Variants in UNK observed in about 807,000 individuals in gnomAD.
UNK encodes the protein unk zinc finger.
UNK carries 32 observed loss-of-function variants against 97.6 expected under a neutral mutation model. The observed-to-expected ratio is 0.33, with a 90% confidence interval of 0.25 to 0.44. The LOEUF (loss-of-function observed/expected upper bound fraction) is 0.44. Among genes scored for constraint, UNK ranks in the 20% least tolerant of loss-of-function variants. The probability of loss-of-function intolerance (pLI) is 1.00; values close to 1 mark genes in which losing one functional copy is unlikely to be tolerated. For missense variants in UNK, 771 were observed against 1,098.4 expected, an observed-to-expected ratio of 0.70 and a Z score of 4.21; for synonymous variants, 441 against 461.2, an observed-to-expected ratio of 0.96 and a Z score of 0.56.
At chr17:75,823,134 G>T (rs1009670445) in intron 14 of UNK, 131 bp from the exon 15 acceptor site, 17 of 1,407,386 alleles carry the variant, frequency 1.2e-5, no homozygotes, top group Non-Finnish European at 1.4e-5. Context: ...CCTCCTCCTT[G>T]CCCTCCTCCC....
At chr17:75,813,990 TTG>T in intron 6 of UNK, 112 bp downstream of exon 6, 1 of 944,376 alleles carries the variant, frequency 1.1e-6, no homozygotes, top group Non-Finnish European at 1.5e-6. Flanking sequence ...GAAGAGGGAC[TTG>T]TGGCCACCAG....
intron 1 of UNK, 75 bp downstream of exon 1, chr17:75,785,059 G>A (rs1230174474): frequency 1.6e-5 from 18 of 1,097,386 alleles, no homozygotes; most frequent in Non-Finnish European, 2.3e-5. Flanking sequence ...CGCGCGCAGG[G>A]AGAGCGCGAG....
rs1458838906 is a variant in UNK, at chr17:75,825,427, C to T, written c.*1010C>T. On this transcript the variant is annotated 3_prime_UTR_variant, in exon 16 of 16. Transcript: ENST00000589666. The surrounding 1 kb of genome is among the most constrained non-coding windows in gnomAD (Gnocchi z 4.4). Reference sequence around the variant, plus strand: ...CCTGCCCTCCTACCCGGAGGGGCTCCGTTTGCATTCCTTGGTGCTCTCTGA... The same window carrying T: ...CCTGCCCTCCTACCCGGAGGGGCTCTGTTTGCATTCCTTGGTGCTCTCTGA... 4.6e-5 allele frequency: 7 copies of T among 152,774 alleles called. No homozygotes were observed. The allele number at this position is 152,774 out of a possible 1,614,324, so 9.5% of individuals were successfully genotyped here.
chr17:75,823,664 G>A (rs9675230), intron 15 of UNK, 142 bp downstream of exon 15: 304,856 of 1,242,534 alleles, frequency 0.25, 47,068 homozygotes, highest in African/African-American at 0.69. Flanking sequence ...TCAAAAGGCC[G>A]GCCTGCTGGG....
chr17:75,805,948 A>G (rs1174748918), intron 1 of UNK, among the ~76,000 whole-genome samples: 2 of 151,848 alleles, frequency 1.3e-5, no homozygotes. Context: ...TATCCCCTCA[A>G]AAAGAAATCT....
chr17:75,822,100 A>G (rs186551241), intron 13 of UNK, among the ~76,000 whole-genome samples: 1 of 152,330 alleles, frequency 6.6e-6, no homozygotes, highest in East Asian at 1.9e-4. Flanking sequence ...AAAAGGCCCT[A>G]GCCTAAAAGT....
chr17:75,823,835 C>T (rs76061015), intron 15 of UNK, among the ~76,000 whole-genome samples: 1 of 152,208 alleles, frequency 6.6e-6, no homozygotes, highest in Non-Finnish European at 1.5e-5. Context: ...AGCGGGCCTT[C>T]CAGTGAGGCC....
In UNK at chr17:75,818,398, C is replaced by T. The variant is rs1019025928; in HGVS notation, c.1371+230C>T. Among the ~76,000 whole-genome samples the T allele has an allele frequency of 1.3e-5, 2 of 152,186 alleles. No individual in the cohort carries two copies. Among genetic ancestry groups the T allele is most frequent in the African/African-American group, 2.4e-5 (1 of 41,446 alleles). On this transcript the variant is annotated intron_variant, in intron 10 of 15. Transcript: ENST00000589666. This position sits in a 1 kb window ranked among gnomAD's most constrained non-coding sequence, Gnocchi z 5.1. ...TGGAGCCTCTGCACTCTGCCAGGCCCTGTACTCGCTTCTCTCTTCCCTGCT... is the reference window on the plus strand; with the variant it reads ...TGGAGCCTCTGCACTCTGCCAGGCCTTGTACTCGCTTCTCTCTTCCCTGCT...
chr17:75,813,003 T>C (rs2061984165), intron 4 of UNK, 75 bp from the exon 5 acceptor site: 4 of 1,486,392 alleles, frequency 2.7e-6, no homozygotes, highest in East Asian at 2.5e-5. Context: ...TCTCCTTCCC[T>C]CCACTCCAGT....
chr17:75,801,975 G>A (rs971252814), intron 1 of UNK, among the ~76,000 whole-genome samples: 6 of 151,590 alleles, frequency 4.0e-5, no homozygotes, highest in Admixed American at 3.3e-4. Context: ...AGCCACCCAA[G>A]TAGTTGGGAT....
chr17:75,786,663 C>T (rs8077281), intron 1 of UNK, among the ~76,000 whole-genome samples: 13,759 of 152,152 alleles, frequency 0.09, 1,298 homozygotes, highest in East Asian at 0.37. Flanking sequence ...AGAGACCAGC[C>T]TGCCCAATAT....
At position 75,817,026 on chromosome 17, in the gene UNK, C is replaced by T. The variant is rs2062022346; in HGVS notation, c.1104+114C>T. ...ACCATCCTGGTATTTGTCCTCAGGC[C>T]AGGGGGATCTGTCTTTTCCATCTCA... is the stretch of plus-strand genomic sequence containing the variant. On this transcript the variant is annotated intron_variant, in intron 8 of 15. Coordinates refer to ENST00000589666, the MANE Select transcript of UNK (RefSeq NM_001080419.3). The surrounding 1 kb of genome is among the most constrained non-coding windows in gnomAD (Gnocchi z 5.8). 1.4e-6 allele frequency: 2 copies of T among 1,405,862 alleles called. No individual in the cohort carries two copies. The highest frequency in any genetic ancestry group is 2.9e-5 in the South Asian group (2 of 70,010). The allele number at this position is 1,405,862 out of a possible 1,614,324, so 87.1% of individuals were successfully genotyped here. A position where few individuals can be genotyped will look rare whatever the true frequency, so the allele number is the denominator to read the frequency against.
At position 75,818,945 on chromosome 17, in the gene UNK, G is replaced by A; in HGVS notation, c.1546+129G>A. The A allele has an allele frequency of 8.8e-7, 1 of 1,130,026 alleles. No homozygotes were observed. Among genetic ancestry groups the A allele is most frequent in the Non-Finnish European group, 1.2e-6 (1 of 824,784 alleles). The allele number at this position is 1,130,026 out of a possible 1,614,324, so 70.0% of individuals were successfully genotyped here. On this transcript the variant is annotated intron_variant, in intron 11 of 15. Transcript: ENST00000589666. This position sits in a 1 kb window ranked among gnomAD's most constrained non-coding sequence, Gnocchi z 5.1. ...ATCTGTCTTCGGAAAATCAGGGGAT[G>A]GGCACTCTGAGTCCTTTGAGCTAAA...
chr17:75,820,193 A>G (rs1220488313), intron 13 of UNK, 85 bp downstream of exon 13: 17 of 1,413,572 alleles, frequency 1.2e-5, no homozygotes, highest in South Asian at 2.7e-5. Flanking sequence ...CATCTACGGC[A>G]TATCAGCTAG....
chr17:75,789,839 T>C (rs1479715900), intron 1 of UNK, among the ~76,000 whole-genome samples: 2 of 152,190 alleles, frequency 1.3e-5, no homozygotes, highest in African/African-American at 2.4e-5. Context: ...TTAACAGTTA[T>C]ACTATTGAAA....
At position 75,813,841 on chromosome 17, in the gene UNK, A is replaced by G; in HGVS notation, c.839A>G (p.Tyr280Cys). 1 of 1,599,786 alleles carries G rather than the reference A, an allele frequency of 6.3e-7. No homozygotes were observed. The highest frequency in any genetic ancestry group is 1.7e-4 in the Middle Eastern group (1 of 6,046). ...TGTGAGAACGGAGACGCCTGCCAGT[A>G]CTGCCACACCCGCACCGAGCAGCAG... Reference protein sequence around the residue: ...GKCENGDACQYCHTRTEQQFH... With the variant: ...GKCENGDACQCCHTRTEQQFH... Residue 280 changes from tyrosine to cysteine, a missense_variant, in exon 6 of 16, where the codon TAC becomes TGC. Tyr to Cys is a radical substitution (Grantham distance 194). Around this residue, in one of 5 missense-constraint regions of UNK, gnomAD observed 246 missense variants for 440.7 expected, o/e 0.56. Transcript: ENST00000589666.
At chr17:75,812,031 G>A in intron 2 of UNK, 81 bp from the exon 3 acceptor site, 5 of 1,443,350 alleles carry the variant, frequency 3.5e-6, no homozygotes, top group Non-Finnish European at 3.7e-6. Context: ...AACAAAAACA[G>A]TTGGGGTAAG....
At position 75,813,086 on chromosome 17, in the gene UNK, T is replaced by C; in HGVS notation, c.631T>C (p.Tyr211His). ...TCTGGCCCCCTGTGCAGAGACTGCTTATGTGCTGGGGAACTATAAGACGGA... is the reference window on the plus strand; with the variant it reads ...TCTGGCCCCCTGTGCAGAGACTGCTCATGTGCTGGGGAACTATAAGACGGA... ...SEEPRWQETAYVLGNYKTEPC... is the reference protein window; with the variant it reads ...SEEPRWQETAHVLGNYKTEPC... The change falls in exon 5 of 16, where the codon TAT (tyrosine) becomes CAT (histidine). Residue 211 changes from tyrosine (Y) to histidine (H), a missense_variant. Transcript: ENST00000589666. The C allele has an allele frequency of 1.3e-6, 2 of 1,587,386 alleles. No individual in the cohort carries two copies. The highest frequency in any genetic ancestry group is 1.7e-6 in the Non-Finnish European group (2 of 1,166,918).
At chr17:75,820,361 G>C (rs751317170) in intron 13 of UNK, among the ~76,000 whole-genome samples, 38 of 152,246 alleles carry the variant, frequency 2.5e-4, no homozygotes, top group Non-Finnish European at 4.7e-4. Context: ...GCATTGAATG[G>C]AGTAATGGGG....
Sources: allele counts gnomAD v4.1 joint callset (sites outside exome capture counted in the v4.1 genomes callset), GRCh38; gene constraint gnomAD v4.1.1; regional missense constraint gnomAD v4.1.1; non-coding constraint Gnocchi (gnomAD v3.1); transcripts MANE v1.5; gene names NCBI Gene and HGNC (gene_info 2026-07-23, HGNC 2026-07-21).